The following FGF14 variants were observed in gnomAD, a reference collection of about 807,000 sequenced individuals.
FGF14 encodes the protein fibroblast growth factor homologous factor 4.
FGF14 carries 5 observed loss-of-function variants against 25.5 expected under a neutral mutation model. The observed-to-expected ratio is 0.20, with a 90% CI of 0.10 to 0.41. The LOEUF (loss-of-function observed/expected upper bound fraction) is 0.41, where lower values mean the gene tolerates loss of function less well. Among genes scored for constraint, FGF14 ranks in the 10% least tolerant of loss-of-function variants. The probability of loss-of-function intolerance (pLI) is 1.00; values close to 1 mark genes in which losing one functional copy is unlikely to be tolerated. For synonymous variants in FGF14, 138 were observed against 118.3 expected (o/e 1.17, Z -1.08); for missense variants, 222 against 320.1 (o/e 0.69, Z 2.34).
intron 1 of FGF14, among the ~76,000 whole-genome samples, chr13:102,050,879 C>A (rs190333442): frequency 6.3e-4 from 96 of 152,312 alleles, no homozygotes; most frequent in African/African-American, 2.2e-3. Flanking sequence ...GTGGACCTAT[C>A]AATATCAGCC....
chr13:101,981,946 T>C (rs1594898471), intron 1 of FGF14, among the ~76,000 whole-genome samples: 1 of 152,150 alleles, frequency 6.6e-6, no homozygotes, highest in African/African-American at 2.4e-5. Flanking sequence ...TTAGCTACCA[T>C]GGGCATTTAC....
intron 1 of FGF14, among the ~76,000 whole-genome samples, chr13:102,060,162 A>C (rs1452926910): frequency 1.3e-5 from 2 of 152,092 alleles, no homozygotes; most frequent in African/African-American, 2.4e-5. Flanking sequence ...ATATTCAAAA[A>C]AAAAAAAATC....
intron 1 of FGF14, among the ~76,000 whole-genome samples, chr13:101,941,368 T>A (rs986819310): frequency 6.6e-6 from 1 of 152,260 alleles, no homozygotes; most frequent in Non-Finnish European, 1.5e-5. Context: ...CTAGAATTGC[T>A]ATTTGTGGAT....
At chr13:101,847,023 T>C (rs2043498236) in intron 3 of FGF14, among the ~76,000 whole-genome samples, 1 of 152,054 alleles carries the variant, frequency 6.6e-6, no homozygotes, top group Non-Finnish European at 1.5e-5. Flanking sequence ...AGATTTTTCA[T>C]ACCTCAATTG....
chr13:102,326,659 G>GAAAGGGAGGA (rs2056436793), intron 1 of FGF14, among the ~76,000 whole-genome samples: 1 of 90,240 alleles, frequency 1.1e-5, no homozygotes, highest in African/African-American at 4.9e-5. Flanking sequence ...AGAAGGGAGG[G>GAAAGGGAGGA]GAAGGGAGGG....
intron 1 of FGF14, among the ~76,000 whole-genome samples, chr13:102,104,495 A>G (rs1375538142): frequency 2.0e-5 from 3 of 152,176 alleles, no homozygotes; most frequent in Non-Finnish European, 4.4e-5. Flanking sequence ...TTTGCATTCT[A>G]CAAGGCACAG....
intron 3 of FGF14, among the ~76,000 whole-genome samples, chr13:101,790,256 T>G (rs1459788051): frequency 6.6e-6 from 1 of 152,102 alleles, no homozygotes; most frequent in Non-Finnish European, 1.5e-5. Flanking sequence ...AATCAAGGCA[T>G]TCCATCTTTT....
intron 1 of FGF14, among the ~76,000 whole-genome samples, chr13:102,051,598 A>C (rs1191936270): frequency 1.3e-5 from 2 of 152,162 alleles, no homozygotes; most frequent in Non-Finnish European, 2.9e-5. Flanking sequence ...GCTCACTACC[A>C]CTATGGATAG....
chr13:101,829,273 G>A (rs1049983721), intron 3 of FGF14, among the ~76,000 whole-genome samples: 1 of 152,118 alleles, frequency 6.6e-6, no homozygotes, highest in African/African-American at 2.4e-5. Context: ...ATGTCAAAGA[G>A]CAGGGTAATA....
intron 3 of FGF14, among the ~76,000 whole-genome samples, chr13:101,751,446 C>A (rs552923268): frequency 1.3e-5 from 2 of 152,170 alleles, no homozygotes; most frequent in Admixed American, 1.3e-4. Flanking sequence ...GCAGAACTGT[C>A]GTAGGTGCTG....
intron 1 of FGF14, among the ~76,000 whole-genome samples, chr13:102,312,514 G>A (rs2055823837): frequency 6.6e-6 from 1 of 152,212 alleles, no homozygotes; most frequent in South Asian, 2.1e-4. Context: ...GGTTTAAAAT[G>A]TCTGTATGTT....
At chr13:102,105,276 T>A (rs1430434309) in intron 1 of FGF14, among the ~76,000 whole-genome samples, 1 of 152,146 alleles carries the variant, frequency 6.6e-6, no homozygotes, top group African/African-American at 2.4e-5. Context: ...AAAATCCTTA[T>A]TTTTTTAAGA....
intron 1 of FGF14, among the ~76,000 whole-genome samples, chr13:102,136,098 T>C (rs1444537388): frequency 6.6e-6 from 1 of 152,188 alleles, no homozygotes; most frequent in Non-Finnish European, 1.5e-5. Context: ...CAGAACTCTT[T>C]AGCTTAATGA....
intron 1 of FGF14, among the ~76,000 whole-genome samples, chr13:102,329,757 T>C (rs1042956841): frequency 6.6e-6 from 1 of 152,074 alleles, no homozygotes; most frequent in Non-Finnish European, 1.5e-5. Flanking sequence ...ACACCTCCTG[T>C]TTTCCACCTT....
At chr13:102,069,552 C>T (rs1218852584) in intron 1 of FGF14, among the ~76,000 whole-genome samples, 1 of 152,018 alleles carries the variant, frequency 6.6e-6, no homozygotes, top group East Asian at 1.9e-4. Context: ...GGAAGATCTG[C>T]AGCTTCACTC....
chr13:101,994,403 C>T (rs2039071511), intron 1 of FGF14, among the ~76,000 whole-genome samples: 1 of 151,984 alleles, frequency 6.6e-6, no homozygotes, highest in Middle Eastern at 3.2e-3. Context: ...TTTAAGGTGT[C>T]TTTTGAAAAA....
intron 1 of FGF14, among the ~76,000 whole-genome samples, chr13:102,180,871 A>G (rs899163720): frequency 6.6e-6 from 1 of 152,134 alleles, no homozygotes; most frequent in African/African-American, 2.4e-5. Context: ...ACATTACCCA[A>G]AAAGATCTGT....
At position 101,904,656 on chromosome 13, in the gene FGF14, T is replaced by C. The variant is rs140818125; in HGVS notation, c.193+11797A>G. 2.5e-3 allele frequency among the ~76,000 whole-genome samples: 374 copies of C among 152,324 alleles called. 4 individuals are homozygous for C. Among genetic ancestry groups the C allele is most frequent in the African/African-American group, 8.5e-3 (354 of 41,578 alleles). ...AAGACACAAACATTGTACCTTTACC[T>C]TTAGGTTAGCCTGATTTGTTAGTAT... On this transcript the variant is annotated intron_variant, in intron 1 of 4. Coordinates refer to ENST00000376143, the MANE Select transcript of FGF14 (RefSeq NM_004115.4).
At chr13:101,909,155 C>T (rs1166340623) in intron 1 of FGF14, among the ~76,000 whole-genome samples, 2 of 152,184 alleles carry the variant, frequency 1.3e-5, no homozygotes, top group Non-Finnish European at 2.9e-5. Context: ...TAAACCTAGG[C>T]AATACCATTC....
Sources: allele counts gnomAD v4.1 joint callset (sites outside exome capture counted in the v4.1 genomes callset), GRCh38; gene constraint gnomAD v4.1.1; transcripts MANE v1.5; gene names NCBI Gene and HGNC (gene_info 2026-07-23, HGNC 2026-07-21).